FBXW7: variants seen among roughly 807,000 people sequenced by gnomAD.
FBXW7 encodes the protein F-box/WD repeat-containing protein 7.
In FBXW7, 11 loss-of-function variants were observed where a neutral mutation model predicts 86.3. The observed-to-expected ratio is 0.13, with a 90% CI of 0.08 to 0.21. The LOEUF (loss-of-function observed/expected upper bound fraction) is 0.21. Among genes scored for constraint, FBXW7 ranks in the 10% least tolerant of loss-of-function variants. The pLI, the probability that FBXW7 is intolerant of heterozygous loss-of-function variation, is 1.00. For missense variants in FBXW7, 488 were observed against 847.4 expected (o/e 0.58, Z 5.27); for synonymous variants, 313 against 297.9 (o/e 1.05, Z -0.52).
chr4:152,355,486 A>T (rs967111117), intron 4 of FBXW7, among the ~76,000 whole-genome samples: 47 of 152,318 alleles, frequency 3.1e-4, no homozygotes, highest in African/African-American at 1.1e-3. Flanking sequence ...TTAGTCAACC[A>T]AACAGCTAAG....
intron 2 of FBXW7, among the ~76,000 whole-genome samples, chr4:152,509,774 C>T (rs1449775960): frequency 1.3e-5 from 2 of 152,012 alleles, no homozygotes; most frequent in Non-Finnish European, 2.9e-5. Flanking sequence ...GGAGAGGAAC[C>T]AAGAAAGTTA....
intron 2 of FBXW7, among the ~76,000 whole-genome samples, chr4:152,435,762 G>T (rs1482511959): frequency 6.6e-6 from 1 of 152,088 alleles, no homozygotes; most frequent in Admixed American, 6.5e-5. Context: ...GGAAGTTTGT[G>T]GCAATCCTAT....
At chr4:152,437,833 A>G (rs928612658) in intron 2 of FBXW7, among the ~76,000 whole-genome samples, 2 of 152,190 alleles carry the variant, frequency 1.3e-5, no homozygotes, top group Non-Finnish European at 1.5e-5. Context: ...CAGTAAAATG[A>G]TCGTGACTCC....
intron 2 of FBXW7, among the ~76,000 whole-genome samples, chr4:152,454,613 TATA>T (rs1419201627): frequency 4.6e-5 from 7 of 152,108 alleles, no homozygotes; most frequent in Non-Finnish European, 1.0e-4. Context: ...AAGAGGGAAC[TATA>T]ATATTTAGGA....
intron 2 of FBXW7, among the ~76,000 whole-genome samples, chr4:152,498,248 T>G (rs750997028): frequency 3.3e-5 from 5 of 151,616 alleles, no homozygotes; most frequent in Non-Finnish European, 7.4e-5. Context: ...GAGGGCACAA[T>G]GGAAGGAACT....
At chr4:152,508,547 G>A (rs765075810) in intron 2 of FBXW7, among the ~76,000 whole-genome samples, 57 of 151,746 alleles carry the variant, frequency 3.8e-4, no homozygotes, top group Admixed American at 9.8e-4. Context: ...AAATTAGCCA[G>A]GCATGGTGGT....
intron 2 of FBXW7, among the ~76,000 whole-genome samples, chr4:152,534,614 G>A (rs1432916135): frequency 6.6e-6 from 1 of 152,134 alleles, no homozygotes; most frequent in Non-Finnish European, 1.5e-5. Flanking sequence ...ACCAGGAAAA[G>A]GTTACAGATA....
chr4:152,427,326 A>G (rs1273671019), intron 2 of FBXW7, among the ~76,000 whole-genome samples: 1 of 152,238 alleles, frequency 6.6e-6, no homozygotes, highest in Non-Finnish European at 1.5e-5. Flanking sequence ...GATCAGAACC[A>G]CTAGCATTTA....
chr4:152,512,913 T>C (rs2149716854), intron 2 of FBXW7, among the ~76,000 whole-genome samples: 1 of 152,286 alleles, frequency 6.6e-6, no homozygotes, highest in South Asian at 2.1e-4. Flanking sequence ...CAGGCTGGAG[T>C]GCAAATGGCA....
intron 2 of FBXW7, among the ~76,000 whole-genome samples, chr4:152,498,614 G>A (rs1438248229): frequency 6.6e-6 from 1 of 152,164 alleles, no homozygotes; most frequent in African/African-American, 2.4e-5. Flanking sequence ...TTATCATTTA[G>A]TGCGGAAGCT....
chr4:152,414,638 T>A (rs534903904), intron 2 of FBXW7, among the ~76,000 whole-genome samples: 1 of 152,250 alleles, frequency 6.6e-6, no homozygotes, highest in East Asian at 1.9e-4. Flanking sequence ...ATAGCTCAGA[T>A]AAAATAAAGT....
chr4:152,414,338 T>C (rs1325007295), intron 2 of FBXW7, among the ~76,000 whole-genome samples: 1 of 152,050 alleles, frequency 6.6e-6, no homozygotes, highest in African/African-American at 2.4e-5. Flanking sequence ...AAATGCTTTT[T>C]CCTCATGGAC....
intron 2 of FBXW7, among the ~76,000 whole-genome samples, chr4:152,425,468 A>C (rs1229929315): frequency 6.6e-6 from 1 of 152,180 alleles, no homozygotes; most frequent in African/African-American, 2.4e-5. Flanking sequence ...TTTAGTAAAA[A>C]TCTTCCAACA....
At chr4:152,480,716 T>G (rs1462706757) in intron 2 of FBXW7, among the ~76,000 whole-genome samples, 1 of 152,114 alleles carries the variant, frequency 6.6e-6, no homozygotes, top group Non-Finnish European at 1.5e-5. Flanking sequence ...TGGACAAAGG[T>G]TTGGTGTTCT....
At position 152,419,494 on chromosome 4, in the gene FBXW7, A is replaced by AAAACACACACACACAC. The variant is rs370794631; in HGVS notation, c.-119-6966_-119-6965insGTGTGTGTGTGTGTTT. On this transcript the variant is annotated intron_variant, in intron 2 of 13. Coordinates refer to ENST00000281708, the MANE Select transcript of FBXW7 (RefSeq NM_001349798.2). ...TGGTAAGGCCCACTAGGATAAGGTAAACACACACACACACACACACACACA... is the reference window on the plus strand; with the variant it reads ...TGGTAAGGCCCACTAGGATAAGGTAAAAACACACACACACACACACACACACACACACACACACACA... Among the ~76,000 whole-genome samples the AAAACACACACACACAC allele has an allele frequency of 9.9e-3, 1,219 of 123,292 alleles. 15 individuals are homozygous for AAAACACACACACACAC. Among genetic ancestry groups the AAAACACACACACACAC allele is most frequent in the Admixed American group, 0.015 (176 of 11,854 alleles). 80.9% of individuals were successfully genotyped at this position (123,292 alleles called of 152,430 possible). A position where few individuals can be genotyped will look rare whatever the true frequency, so the allele number is the denominator to read the frequency against.
At chr4:152,440,841 T>A (rs1740826378) in intron 2 of FBXW7, among the ~76,000 whole-genome samples, 2 of 152,176 alleles carry the variant, frequency 1.3e-5, no homozygotes, top group Non-Finnish European at 2.9e-5. Context: ...CCCTGACTGT[T>A]CACACCACTT....
At chr4:152,364,227 A>C (rs1733254275) in intron 4 of FBXW7, among the ~76,000 whole-genome samples, 1 of 152,158 alleles carries the variant, frequency 6.6e-6, no homozygotes, top group Non-Finnish European at 1.5e-5. Context: ...ATACTGGAAG[A>C]AACACAACAA....
chr4:152,341,598 G>C (rs1296597868), intron 6 of FBXW7, among the ~76,000 whole-genome samples: 2 of 152,210 alleles, frequency 1.3e-5, no homozygotes, highest in African/African-American at 4.8e-5. Context: ...AATCCCAAAA[G>C]AATCAGGAAA....
At chr4:152,352,970 C>G in intron 4 of FBXW7, 13 of 1,367,074 alleles carry the variant, frequency 9.5e-6, no homozygotes, top group Non-Finnish European at 1.2e-5. Flanking sequence ...ACACAACGCA[C>G]TGAACAGAGG....
Sources: gnomAD v4.1 joint callset for allele counts (sites outside exome capture counted in the v4.1 genomes callset) on GRCh38, gnomAD v4.1.1 for gene constraint, MANE v1.5 for transcripts, NCBI Gene and HGNC (gene_info 2026-07-23, HGNC 2026-07-21) for gene names.